The following MMS19 variants were observed in gnomAD, a reference collection of about 807,000 sequenced individuals.
MMS19 encodes MMS19 nucleotide excision repair protein homolog.
In MMS19, 77 loss-of-function variants were observed where a neutral mutation model predicts 129.8. The observed-to-expected ratio is 0.59, with a 90% confidence interval of 0.49 to 0.72. MMS19 has a LOEUF of 0.72. MMS19 is among the 30% of genes least tolerant of loss of function. MMS19 has a pLI of 0.00. For missense variants in MMS19, 1,168 were observed against 1,266.3 expected (o/e 0.92, Z 1.18); for synonymous variants, 491 against 502.8 (o/e 0.98, Z 0.31).
At chr10:97,484,882 G>A (rs1016953937) in intron 1 of MMS19, among the ~76,000 whole-genome samples, 3 of 152,086 alleles carry the variant, frequency 2.0e-5, no homozygotes, top group Admixed American at 6.5e-5. Flanking sequence ...AGGCTCAGGT[G>A]ATCCTCCCAC....
intron 1 of MMS19, among the ~76,000 whole-genome samples, chr10:97,494,957 G>C (rs1259731384): frequency 6.6e-6 from 1 of 152,214 alleles, no homozygotes. Context: ...GTAGGATGTG[G>C]AGATGTATAC....
chr10:97,476,342 T>C (rs1405671764), intron 8 of MMS19, among the ~76,000 whole-genome samples: 1 of 152,238 alleles, frequency 6.6e-6, no homozygotes, highest in Non-Finnish European at 1.5e-5. Context: ...CACTGAACTT[T>C]TGTCTTCTCT....
intron 8 of MMS19, 108 bp from the exon 9 acceptor site, chr10:97,470,969 G>C (rs574702419): frequency 1.4e-6 from 1 of 695,298 alleles, no homozygotes; most frequent in Non-Finnish European, 2.3e-6. Flanking sequence ...TACCCAATCA[G>C]GGAAGATAGT....
chr10:97,465,901 A>C lies in MMS19; in HGVS notation c.1660T>G (p.Cys554Gly). 6.2e-7 allele frequency: 1 copy of C among 1,614,014 alleles called. No homozygotes were observed. Among genetic ancestry groups the C allele is most frequent in the Non-Finnish European group, 8.5e-7 (1 of 1,179,886 alleles). The change falls in exon 18 of 31, where the codon TGC becomes GGC. Residue 554 changes from cysteine to glycine, a missense_variant. This residue lies in a region of MMS19 where 831 missense variants were observed against 910.8 expected (regional missense o/e 0.91). Coordinates refer to ENST00000438925, the MANE Select transcript of MMS19 (RefSeq NM_022362.5). ...ACAGCTGACAAGGCTTGCAGACAGC[A>C]CAGATGCCGGGAGCATTGGGTGGGC... ...DEPTQCSRHL[C>G]CLQALSAVST...
At chr10:97,489,310 G>C (rs1291416985) in intron 1 of MMS19, among the ~76,000 whole-genome samples, 1 of 152,202 alleles carries the variant, frequency 6.6e-6, no homozygotes, top group African/African-American at 2.4e-5. Flanking sequence ...TACATCTCTG[G>C]AAGATATAAA....
At chr10:97,487,671 T>C (rs922300322) in intron 1 of MMS19, among the ~76,000 whole-genome samples, 4 of 151,978 alleles carry the variant, frequency 2.6e-5, no homozygotes, top group Non-Finnish European at 5.9e-5. Context: ...CCCTAAAAGA[T>C]TGGTTTTAAA....
At chr10:97,497,955 G>A (rs900436085) in intron 1 of MMS19, among the ~76,000 whole-genome samples, 3 of 152,204 alleles carry the variant, frequency 2.0e-5, no homozygotes, top group Admixed American at 6.5e-5. Context: ...CTGGGTCCGA[G>A]TCCCACCTCC....
chr10:97,478,830 GT>G (rs905873727), intron 3 of MMS19, among the ~76,000 whole-genome samples: 5 of 151,736 alleles, frequency 3.3e-5, no homozygotes, highest in African/African-American at 4.8e-5. Flanking sequence ...TGTATGATGT[GT>G]TTTTTTTAAT....
At chr10:97,498,480 A>C, upstream of MMS19, 1 of 1,508,312 alleles carries the variant, frequency 6.6e-7, no homozygotes, top group Admixed American at 2.1e-5. Context: ...GGGAAGCGCA[A>C]GGGGGCGGGG....
chr10:97,469,113 G>A lies in MMS19; in HGVS notation c.925-9C>T, dbSNP rs1160336881. On this transcript the variant is annotated splice_polypyrimidine_tract_variant and intron_variant, in intron 11 of 30. Coordinates refer to ENST00000438925, the MANE Select transcript of MMS19 (RefSeq NM_022362.5). ...CTTGCCGTCTGGAACACCTGTCAGG[G>A]AGGGATCCCATGGCTACTGAGGTGA... 1.3e-6 allele frequency: 2 copies of A among 1,568,194 alleles called. No homozygotes were observed. Among genetic ancestry groups the A allele is most frequent in the Non-Finnish European group, 1.7e-6 (2 of 1,161,438 alleles).
intron 8 of MMS19, among the ~76,000 whole-genome samples, chr10:97,475,064 C>A (rs944688302): frequency 7.2e-5 from 11 of 152,176 alleles, no homozygotes; most frequent in Admixed American, 2.0e-4. Context: ...AGATTAGCAA[C>A]AATCCACAGA....
intron 1 of MMS19, among the ~76,000 whole-genome samples, chr10:97,496,290 A>C (rs772848181): frequency 7.9e-5 from 12 of 152,068 alleles, no homozygotes; most frequent in African/African-American, 1.2e-4. Flanking sequence ...CTGAGATGGG[A>C]GGATGGCTTC....
chr10:97,496,221 G>A (rs2039751348), intron 1 of MMS19, among the ~76,000 whole-genome samples: 1 of 152,074 alleles, frequency 6.6e-6, no homozygotes, highest in South Asian at 2.1e-4. Context: ...TTGCAAAAAC[G>A]TTTGTAAGAA....
chr10:97,466,612 C>T, intron 15 of MMS19, 27 bp from the exon 16 acceptor site: 1 of 1,597,878 alleles, frequency 6.3e-7, no homozygotes, highest in Non-Finnish European at 8.6e-7. Context: ...ACATGAATCT[C>T]ATCTTTCTTC....
chr10:97,498,688 G>T, upstream of MMS19: 1 of 429,210 alleles, frequency 2.3e-6, no homozygotes, highest in Non-Finnish European at 4.2e-6. Context: ...GAGAGGGGCG[G>T]TACGCACCAC....
Position 97,477,353 on chromosome 10 carries a change from C to A in MMS19, c.487G>T (p.Glu163Ter). The A allele has an allele frequency of 6.2e-7, 1 of 1,613,992 alleles. No individual in the cohort carries two copies. The highest frequency in any genetic ancestry group is 8.5e-7 in the Non-Finnish European group (1 of 1,179,898). ...AGAAAGCTCTGTCTCTTACCTTCTT[C>A]CCGGGTTCGCATAAAATTGGTGATG... ...NIITNFMRTR[E>*]EELKSLGADF... is the part of the protein sequence containing the mutation. The change falls in exon 6 of 31, where the codon GAA (glutamate) becomes TAA (stop). Residue 163 changes from glutamate (E) to a stop codon, truncating the protein, a stop_gained. Coordinates refer to ENST00000438925, the MANE Select transcript of MMS19 (RefSeq NM_022362.5). LOFTEE classifies it high-confidence loss of function.
At chr10:97,466,716 C>G in intron 15 of MMS19, 60 bp downstream of exon 15, 9 of 1,610,448 alleles carry the variant, frequency 5.6e-6, no homozygotes, top group Non-Finnish European at 7.6e-6. Context: ...TGCTTTTCAC[C>G]AAGGCAGTCT....
chr10:97,471,758 AC>A (rs2034754806), intron 8 of MMS19, among the ~76,000 whole-genome samples: 1 of 152,178 alleles, frequency 6.6e-6, no homozygotes, highest in Admixed American at 6.5e-5. Context: ...TGATCCACCC[AC>A]CTCAGCCTCC....
Position 97,470,212 on chromosome 10 carries a change from C to A in MMS19, c.772-9G>T. ...AACAGGGGCAGCAGAAACTGTGGGACAGAAGGAAGATCTTAAGCCTGAGAT... is the reference window on the plus strand; with the variant it reads ...AACAGGGGCAGCAGAAACTGTGGGAAAGAAGGAAGATCTTAAGCCTGAGAT... On this transcript the variant is annotated splice_polypyrimidine_tract_variant and intron_variant, in intron 9 of 30. Coordinates refer to ENST00000438925, the MANE Select transcript of MMS19 (RefSeq NM_022362.5). 6.3e-7 allele frequency: 1 copy of A among 1,597,650 alleles called. No individual in the cohort carries two copies. Among genetic ancestry groups the A allele is most frequent in the Non-Finnish European group, 8.5e-7 (1 of 1,170,746 alleles).
Sources: allele counts gnomAD v4.1 joint callset (sites outside exome capture counted in the v4.1 genomes callset), GRCh38; gene constraint gnomAD v4.1.1; regional missense constraint gnomAD v4.1.1; transcripts MANE v1.5; gene names NCBI Gene and HGNC (gene_info 2026-07-23, HGNC 2026-07-21).